The following RECQL5 variants were observed in gnomAD, a reference collection of about 807,000 sequenced individuals.
The protein encoded by RECQL5 is ATP-dependent DNA helicase Q5.
A neutral mutation model predicts 103.4 loss-of-function variants in RECQL5; 88 were observed. The observed-to-expected ratio is 0.85, with a 90% confidence interval of 0.72 to 1.02. The LOEUF is 1.02. RECQL5 is among the 50% of genes least tolerant of loss of function. The probability of loss-of-function intolerance (pLI) is 0.00; values close to 1 mark genes in which losing one functional copy is unlikely to be tolerated. For missense variants in RECQL5, 1,232 were observed against 1,284.3 expected, an observed-to-expected ratio of 0.96 and a Z score of 0.62; for synonymous variants, 552 against 507.9, an observed-to-expected ratio of 1.09 and a Z score of -1.17.
intron 7 of RECQL5, among the ~76,000 whole-genome samples, chr17:75,654,167 T>C (rs2059588897): frequency 6.6e-6 from 1 of 152,256 alleles, no homozygotes; most frequent in Non-Finnish European, 1.5e-5. Flanking sequence ...TGTGATCACA[T>C]TTCCTTTCTT....
intron 2 of RECQL5, 121 bp from the exon 3 acceptor site, chr17:75,665,293 G>A (rs964150094): frequency 3.5e-6 from 3 of 852,028 alleles, no homozygotes; most frequent in Non-Finnish European, 3.6e-6. Flanking sequence ...GGAGGGTCTC[G>A]ATGTAATCCT....
chr17:75,658,214 G>A, intron 7 of RECQL5, 84 bp downstream of exon 7: 2 of 1,457,424 alleles, frequency 1.4e-6, no homozygotes, highest in Admixed American at 1.9e-5. Flanking sequence ...GCTTACACAA[G>A]CATCATCAGA....
At chr17:75,662,397 A>C (rs2059711438) in intron 4 of RECQL5, 82 bp downstream of exon 4, 1 of 1,431,926 alleles carries the variant, frequency 7.0e-7, no homozygotes, top group South Asian at 1.4e-5. Flanking sequence ...AGAAAAACCA[A>C]AGGTCTTAGA....
At chr17:75,655,371 T>A (rs1390516176) in intron 7 of RECQL5, among the ~76,000 whole-genome samples, 1 of 142,948 alleles carries the variant, frequency 7.0e-6, no homozygotes, top group Non-Finnish European at 1.5e-5. Flanking sequence ...GCGCCTGGCC[T>A]TTTTTTTTTT....
At chr17:75,634,494 G>C (rs897330526) in intron 8 of RECQL5, among the ~76,000 whole-genome samples, 4 of 152,234 alleles carry the variant, frequency 2.6e-5, no homozygotes, top group South Asian at 2.1e-4. Flanking sequence ...GTTCATTTCA[G>C]CTCTTTTATT....
At chr17:75,661,180 C>A (rs1023789948) in intron 5 of RECQL5, 114 bp from the exon 6 acceptor site, 1 of 790,952 alleles carries the variant, frequency 1.3e-6, no homozygotes, top group Admixed American at 2.0e-5. Context: ...GAATCTTTCA[C>A]TTCCCAGCTG....
In RECQL5 at chr17:75,631,168, C is replaced by T; in HGVS notation, c.1530G>A (p.Lys510=). The T allele has an allele frequency of 1.9e-6, 3 of 1,613,800 alleles. No individual in the cohort carries two copies. The highest frequency in any genetic ancestry group is 1.7e-6 in the Non-Finnish European group (2 of 1,180,018). Residue 510 remains lysine, a synonymous_variant, in exon 10 of 20, where the codon AAG becomes AAA. Coordinates refer to ENST00000317905, the MANE Select transcript of RECQL5 (RefSeq NM_004259.7). ...CCCTCACCTTGCGCAGCTGCATCTG[C>T]TTCTGATAGAAGAGGTTCCACTCCC... The part of the protein sequence containing the change: ...HKREWNLFYQ[K]QMQLRKGKDP...
At chr17:75,634,142 C>T (rs755370539) in intron 8 of RECQL5, 12 of 985,416 alleles carry the variant, frequency 1.2e-5, no homozygotes, top group Non-Finnish European at 1.3e-5. Context: ...AGTACGAGGA[C>T]AGCACGTGGA....
Position 75,627,879 on chromosome 17 carries a change from C to T in RECQL5, c.2806-187G>A, listed in dbSNP as rs147899334. On this transcript the variant is annotated intron_variant, in intron 18 of 19. Transcript: ENST00000317905. ...CTAAAAATACCAAAAATTAGCCAGG[C>T]GTGGTGGCGGGTGCCTGTAGTCCCA... Among the ~76,000 whole-genome samples the T allele has an allele frequency of 9.5e-3, 1,452 of 152,100 alleles. 21 individuals carry two copies. Among genetic ancestry groups the T allele is most frequent in the African/African-American group, 0.033 (1,352 of 41,480 alleles).
intron 18 of RECQL5, 61 bp downstream of exon 18, chr17:75,628,157 C>A (rs1055478864): frequency 7.1e-7 from 1 of 1,408,140 alleles, no homozygotes; most frequent in East Asian, 2.3e-5. Context: ...CTGCCTCCCA[C>A]CCCCACTACA....
At chr17:75,628,028 C>T (rs2059133204) in intron 18 of RECQL5, among the ~76,000 whole-genome samples, 190 bp downstream of exon 18, 2 of 150,816 alleles carry the variant, frequency 1.3e-5, no homozygotes, top group South Asian at 2.1e-4. Flanking sequence ...AAAAAGAGAG[C>T]AGGACCCTGC....
At position 75,627,019 on chromosome 17, in the gene RECQL5, TGGG is replaced by T. The variant is rs1039337710; in HGVS notation, c.*400_*402del. ...GGCTGGAAGCTGGCATCGTAATGGA[TGGG>T]GGAGTGGGTGGAGGATCTGAGGGTC... On this transcript the variant is annotated 3_prime_UTR_variant, in exon 20 of 20. Coordinates refer to ENST00000317905, the MANE Select transcript of RECQL5 (RefSeq NM_004259.7). The T allele has an allele frequency of 2.6e-6, 1 of 382,054 alleles. No individual in the cohort carries two copies. Among genetic ancestry groups the T allele is most frequent in the African/African-American group, 2.1e-5 (1 of 47,768 alleles). 23.7% of individuals were successfully genotyped at this position (382,054 alleles called of 1,614,324 possible). A position where few individuals can be genotyped will look rare whatever the true frequency, so the allele number is the denominator to read the frequency against.
intron 8 of RECQL5, among the ~76,000 whole-genome samples, chr17:75,635,141 G>A (rs754100536): frequency 2.0e-5 from 3 of 152,214 alleles, no homozygotes; most frequent in Admixed American, 2.0e-4. Flanking sequence ...CAATGACCCA[G>A]GGAAATGTGG....
At chr17:75,651,619 A>G (rs1033963413) in intron 7 of RECQL5, among the ~76,000 whole-genome samples, 3 of 152,162 alleles carry the variant, frequency 2.0e-5, no homozygotes, top group African/African-American at 7.2e-5. Flanking sequence ...AAAAGTAACA[A>G]GGGAGAAAAA....
Position 75,667,029 on chromosome 17 carries a change from T to C in RECQL5, c.-15+15A>G, listed in dbSNP as rs1036098870. The C allele has an allele frequency of 4.6e-5, 13 of 285,224 alleles. No homozygotes were observed. The highest frequency in any genetic ancestry group is 3.5e-4 in the Admixed American group (7 of 19,840). 17.7% of individuals were successfully genotyped at this position (285,224 alleles called of 1,614,324 possible). ...CTTGGCTGGCCGACACCTCCCTCTC[T>C]TCACCCTAAGATATCAGAACCGGCC... On this transcript the variant is annotated intron_variant, in intron 1 of 19. Transcript: ENST00000317905.
chr17:75,652,048 G>C (rs140422253), intron 7 of RECQL5, among the ~76,000 whole-genome samples: 2,102 of 152,164 alleles, frequency 0.014, 29 homozygotes, highest in Middle Eastern at 0.092. Context: ...CCAACATGTT[G>C]AAACTCCATC....
chr17:75,666,690 A>G, intron 1 of RECQL5, 119 bp from the exon 2 acceptor site: 1 of 969,172 alleles, frequency 1.0e-6, no homozygotes, highest in East Asian at 2.7e-5. Flanking sequence ...ATAATGTATT[A>G]TTTTTAAGTA....
rs762514267 is a variant in RECQL5, at chr17:75,662,555, T to C, written c.695A>G (p.Lys232Arg). Reference sequence around the variant, plus strand: ...CCCATAGGGATCAGAAATCAGTTCCTTGAATTGCACATCATAGAAGAGGTT... The same window carrying C: ...CCCATAGGGATCAGAAATCAGTTCCCTGAATTGCACATCATAGAAGAGGTT... The part of the protein sequence containing the change: ...RANLFYDVQF[K>R]ELISDPYGNL... The change falls in exon 4 of 20, where the codon AAG becomes AGG. Residue 232 changes from lysine to arginine, a missense_variant. Lys to Arg is a conservative substitution (Grantham distance 26). Coordinates refer to ENST00000317905, the MANE Select transcript of RECQL5 (RefSeq NM_004259.7). 3 of 1,614,080 alleles carry C rather than the reference T, an allele frequency of 1.9e-6. No homozygotes were observed. Among genetic ancestry groups the C allele is most frequent in the African/African-American group, 1.3e-5 (1 of 74,934 alleles).
At chr17:75,654,509 A>G (rs1032170925) in intron 7 of RECQL5, among the ~76,000 whole-genome samples, 9 of 152,176 alleles carry the variant, frequency 5.9e-5, no homozygotes, top group African/African-American at 1.7e-4. Flanking sequence ...ACATCCTTTA[A>G]TAGCTTCTGA....
Sources: allele counts gnomAD v4.1 joint callset (sites outside exome capture counted in the v4.1 genomes callset), GRCh38; gene constraint gnomAD v4.1.1; transcripts MANE v1.5; gene names NCBI Gene and HGNC (gene_info 2026-07-23, HGNC 2026-07-21).